The following CFAP92 variants were observed in gnomAD, a reference collection of about 807,000 sequenced individuals.
CFAP92 encodes uncharacterized protein CFAP92.
A neutral mutation model predicts 106.3 loss-of-function variants in CFAP92; 86 were observed. The ratio of observed to expected loss-of-function variants is 0.81; its 90% CI spans 0.68 to 0.97. CFAP92 has a LOEUF of 0.97. Among genes scored for constraint, CFAP92 ranks in the 50% least tolerant of loss-of-function variants. CFAP92 has a pLI of 0.00. For missense variants in CFAP92, 1,204 were observed against 1,283.8 expected (o/e 0.94, Z 0.95); for synonymous variants, 477 against 506.4 (o/e 0.94, Z 0.78).
At chr3:128,922,183 CAAA>C (rs372929834) in intron 12 of CFAP92, among the ~76,000 whole-genome samples, 1 of 148,344 alleles carries the variant, frequency 6.7e-6, no homozygotes, top group South Asian at 2.1e-4. Context: ...ACTAAAAATA[CAAA>C]AAAAAAATTA....
chr3:128,932,020 A>C (rs561151453), intron 12 of CFAP92, among the ~76,000 whole-genome samples: 1 of 152,320 alleles, frequency 6.6e-6, no homozygotes, highest in South Asian at 2.1e-4. Flanking sequence ...CCCGATTCAA[A>C]AAACATAAAA....
chr3:128,981,497 T>C (rs946921685), intron 4 of CFAP92, among the ~76,000 whole-genome samples: 4 of 151,968 alleles, frequency 2.6e-5, no homozygotes, highest in Admixed American at 2.6e-4. Context: ...CACCCAGATA[T>C]TTTTTGTATT....
Position 128,951,662 on chromosome 3 carries a change from A to C in CFAP92, c.1354-5687T>G, listed in dbSNP as rs192286423. Among the ~76,000 whole-genome samples, 214 of 152,314 alleles carry C rather than the reference A, an allele frequency of 1.4e-3. 2 individuals are homozygous for C. Among genetic ancestry groups the C allele is most frequent in the Middle Eastern group, 0.014 (4 of 294 alleles). On this transcript the variant is annotated intron_variant, in intron 9 of 15. Transcript: ENST00000645291. ...GAGAGTAGGCAGAAAGGACCCCAAG[A>C]AAAGTCTGCTTTCTCCATATCAAAG... is the stretch of plus-strand genomic sequence containing the variant.
chr3:128,916,212 C>T lies in CFAP92; in HGVS notation c.2811G>A (p.Val937=), dbSNP rs192312843. ...TGTTGGCAGGGGCTGAAATTTTAAT[C>T]ACCTTCGCCACGGACTTCGGAGGCT... ...SKKPPKSVAK[V]IKISAPANKA... Residue 937 remains valine, a synonymous_variant, in exon 13 of 16, where the codon GTG becomes GTA. Transcript: ENST00000645291. 1.6e-6 allele frequency: 2 copies of T among 1,232,076 alleles called. No individual in the cohort carries two copies. Among genetic ancestry groups the T allele is most frequent in the East Asian group, 6.3e-5 (2 of 31,696 alleles). The allele number at this position is 1,232,076 out of a possible 1,614,324, so 76.3% of individuals were successfully genotyped here. A position where few individuals can be genotyped will look rare whatever the true frequency, so the allele number is the denominator to read the frequency against.
In CFAP92 at chr3:128,915,110, G is replaced by GCCTGTTA; in HGVS notation, c.3280+2_3280+8dup. 1 of 1,535,172 alleles carries GCCTGTTA rather than the reference G, an allele frequency of 6.5e-7. No homozygotes were observed. Among genetic ancestry groups the GCCTGTTA allele is most frequent in the East Asian group, 2.4e-5 (1 of 40,902 alleles). ...AGGAGGCCCAGCTTGGCAAACCCTT[G>GCCTGTTA]CCTGTTACCTGTTACAGGCTTTGGT... On this transcript the variant is annotated intron_variant, in intron 15 of 15. Transcript: ENST00000645291.
Position 128,912,628 on chromosome 3 carries a change from G to A in CFAP92, c.3281-2295C>T, listed in dbSNP as rs981003052. On this transcript the variant is annotated intron_variant, in intron 15 of 15. Transcript: ENST00000645291. Reference sequence around the variant, plus strand: ...GCTGAGGCAGGGGACAGTGTCCCCTGCTACCGCCCGCCCCTACCCATGGCC... The same window carrying A: ...GCTGAGGCAGGGGACAGTGTCCCCTACTACCGCCCGCCCCTACCCATGGCC... 3 of 1,595,668 alleles carry A rather than the reference G, an allele frequency of 1.9e-6. No individual in the cohort carries two copies. The African/African-American group carries it at 4.0e-5, about 21-fold the overall frequency.
the CFAP92 span, among the ~76,000 whole-genome samples, chr3:129,020,527 C>T: frequency 3.9e-5 from 6 of 152,142 alleles, no homozygotes; most frequent in East Asian, 1.2e-3. Flanking sequence ...GTCCCAGCTA[C>T]TGAGGAGGCT....
Position 128,910,325 on chromosome 3 carries a change from TCTTC to T in CFAP92, c.3285_3288del (p.Lys1096ArgfsTer85). On this transcript the variant is annotated frameshift_variant, in exon 16 of 16. Transcript: ENST00000645291. LOFTEE classifies it low-confidence loss of function (END_TRUNC). ...CAGGAGATGGGGCTGTTCCCTTTCT[TCTTC>T]CTGACTGAGAGAAGAGGGGGTGAGT... 6.8e-7 allele frequency: 1 copy of T among 1,475,814 alleles called. No individual in the cohort carries two copies. The highest frequency in any genetic ancestry group is 9.0e-7 in the Non-Finnish European group (1 of 1,116,366). 91.4% of individuals were successfully genotyped at this position (1,475,814 alleles called of 1,614,324 possible). A position where few individuals can be genotyped will look rare whatever the true frequency, so the allele number is the denominator to read the frequency against.
intron 12 of CFAP92, among the ~76,000 whole-genome samples, chr3:128,917,972 G>T (rs1936955664): frequency 6.6e-6 from 1 of 152,174 alleles, no homozygotes; most frequent in Admixed American, 6.5e-5. Context: ...TTATTAGTGG[G>T]ATTTAAGCAA....
chr3:128,935,394 G>T (rs1446541771), intron 10 of CFAP92, 75 bp from the exon 11 acceptor site: 2 of 1,015,522 alleles, frequency 2.0e-6, no homozygotes, highest in Non-Finnish European at 2.8e-6. Flanking sequence ...TGCGCTGTCA[G>T]GTACAGCTTT....
intron 15 of CFAP92, chr3:128,910,612 GGTGACTCCTGTGCCAGGCCTT>G (rs758589061): frequency 9.2e-5 from 92 of 1,004,694 alleles, no homozygotes; most frequent in Admixed American, 2.4e-4. Context: ...CCCAAGACGG[GGTGACTCCTGTGCCAGGCCTT>G]GTGACCCCTG....
Position 128,915,523 on chromosome 3 carries a change from G to A in CFAP92, c.2957C>T (p.Ser986Leu), listed in dbSNP as rs1305093484. The A allele has an allele frequency of 6.5e-7, 1 of 1,534,926 alleles. No individual in the cohort carries two copies. Among genetic ancestry groups the A allele is most frequent in the South Asian group, 1.2e-5 (1 of 83,902 alleles). The change falls in exon 14 of 16, where the codon TCA becomes TTA. Residue 986 changes from serine (S) to leucine (L), a missense_variant. Transcript: ENST00000645291. ...CAAGTCCAGGGGCTCCACCATGGCT[G>A]AGAGGTAATCCTGTGAGTACGTGAA... ...KRFTYSQDYL[S>L]AMVEPLDLKE... is the part of the protein sequence containing the mutation.
At chr3:128,983,707 G>A (rs1943667833) in intron 4 of CFAP92, among the ~76,000 whole-genome samples, 1 of 152,254 alleles carries the variant, frequency 6.6e-6, no homozygotes, top group Non-Finnish European at 1.5e-5. Context: ...GAGGCTGGGA[G>A]CCGTGGAAGA....
chr3:128,932,122 A>G (rs1318228485), intron 12 of CFAP92, among the ~76,000 whole-genome samples: 1 of 152,182 alleles, frequency 6.6e-6, no homozygotes, highest in African/African-American at 2.4e-5. Context: ...AATTGCAGGG[A>G]TGGTAGGGCC....
the CFAP92 span, among the ~76,000 whole-genome samples, chr3:129,018,689 G>A: frequency 6.6e-6 from 1 of 152,168 alleles, no homozygotes; most frequent in East Asian, 1.9e-4. Flanking sequence ...GCAGGGGCAG[G>A]GATGGACTCT....
rs1941234757 is a variant in CFAP92, at chr3:128,955,000, G to A, written c.1354-9025C>T. Among the ~76,000 whole-genome samples, 2 of 33,558 alleles carry A rather than the reference G, an allele frequency of 6.0e-5. 1 individual carries two copies. Among genetic ancestry groups the A allele is most frequent in the Non-Finnish European group, 9.2e-5 (2 of 21,718 alleles). 22.0% of individuals were successfully genotyped at this position (33,558 alleles called of 152,430 possible). ...GCCCCCCTGCCCGGCCAGCCGCCCCGTCCGGGAGGTGAGGGGCGCCTCTGC... is the reference window on the plus strand; with the variant it reads ...GCCCCCCTGCCCGGCCAGCCGCCCCATCCGGGAGGTGAGGGGCGCCTCTGC... On this transcript the variant is annotated intron_variant, in intron 9 of 15. Coordinates refer to ENST00000645291, the MANE Select transcript of CFAP92 (RefSeq NM_001394090.1).
intron 9 of CFAP92, among the ~76,000 whole-genome samples, chr3:128,956,183 T>TTAAAAAAAAAA (rs1941361382): frequency 2.3e-5 from 1 of 43,190 alleles, no homozygotes; most frequent in Admixed American, 2.3e-4. Context: ...AAAAAATAAA[T>TTAAAAAAAAAA]TAAAAAAAAA....
chr3:128,934,507 C>A (rs1259354644), intron 11 of CFAP92, among the ~76,000 whole-genome samples: 2 of 152,156 alleles, frequency 1.3e-5, no homozygotes, highest in Non-Finnish European at 2.9e-5. Flanking sequence ...GCATGAGCCA[C>A]CGCATCCGGC....
At chr3:129,006,611 C>T (rs532989063), upstream of CFAP92, among the ~76,000 whole-genome samples, 45 of 152,232 alleles carry the variant, frequency 3.0e-4, no homozygotes, top group African/African-American at 8.9e-4. Context: ...CCACTGTGCC[C>T]GGCCAAAAGT....
Sources: allele counts gnomAD v4.1 joint callset (sites outside exome capture counted in the v4.1 genomes callset), GRCh38; gene constraint gnomAD v4.1.1; transcripts MANE v1.5; gene names NCBI Gene and HGNC (gene_info 2026-07-23, HGNC 2026-07-21).